The following ACAP2 variants were observed in gnomAD, a reference collection of about 807,000 sequenced individuals.
ACAP2 encodes the protein arf-GAP with coiled-coil, ANK repeat and PH domain-containing protein 2.
A neutral mutation model predicts 115.8 loss-of-function variants in ACAP2; 39 were observed. That is an observed-to-expected ratio of 0.34 (90% confidence interval 0.26 to 0.44). The LOEUF is 0.44. Ranked by LOEUF, ACAP2 falls within the 20% of genes least tolerant of loss-of-function variation. The pLI is 1.00. For synonymous variants in ACAP2, 289 were observed against 315.8 expected (o/e 0.92, Z 0.90); for missense variants, 662 against 927.6 (o/e 0.71, Z 3.72).
chr3:195,417,078 AT>A (rs11293878), intron 1 of ACAP2, among the ~76,000 whole-genome samples: 21,825 of 109,596 alleles, frequency 0.2, 1,661 homozygotes, highest in East Asian at 0.57. Flanking sequence ...TGCCTGGCTA[AT>A]TTTTTTTTTT....
chr3:195,368,012 G>A (rs960103150), intron 4 of ACAP2, among the ~76,000 whole-genome samples: 2 of 152,210 alleles, frequency 1.3e-5, no homozygotes, highest in East Asian at 1.9e-4. Flanking sequence ...GTTGGTAGCC[G>A]TATTTAAGAT....
intron 4 of ACAP2, among the ~76,000 whole-genome samples, chr3:195,354,168 G>T (rs1410302836): frequency 6.6e-6 from 1 of 152,182 alleles, no homozygotes; most frequent in African/African-American, 2.4e-5. Context: ...CAAAGGACAT[G>T]ATCTCATTCT....
chr3:195,414,070 CATA>C (rs1331908286), intron 1 of ACAP2, among the ~76,000 whole-genome samples: 1 of 152,104 alleles, frequency 6.6e-6, no homozygotes, highest in Non-Finnish European at 1.5e-5. Context: ...AGATACTCCA[CATA>C]ATATGTCGTT....
chr3:195,293,215 A>C (rs1392241597), intron 18 of ACAP2, among the ~76,000 whole-genome samples: 2 of 152,180 alleles, frequency 1.3e-5, no homozygotes, highest in Admixed American at 1.3e-4. Context: ...AAGAATCCAT[A>C]AAAACTTTTA....
chr3:195,337,012 T>C, intron 6 of ACAP2, 36 bp from the exon 7 acceptor site: 2 of 1,579,348 alleles, frequency 1.3e-6, no homozygotes, highest in South Asian at 2.3e-5. Context: ...CACCCATGCA[T>C]TATTTTAAAG....
At chr3:195,424,244 G>GGTGTGTGTGT (rs58166272) in intron 1 of ACAP2, among the ~76,000 whole-genome samples, 10 of 69,628 alleles carry the variant, frequency 1.4e-4, no homozygotes, top group South Asian at 5.3e-4. Context: ...GTGTGTGTGT[G>GGTGTGTGTGT]GTGTGTGTGT....
chr3:195,323,546 C>G (rs1729583813), intron 9 of ACAP2, among the ~76,000 whole-genome samples: 1 of 151,950 alleles, frequency 6.6e-6, no homozygotes, highest in Non-Finnish European at 1.5e-5. Flanking sequence ...ATATACCAAG[C>G]ACACAGATTT....
intron 20 of ACAP2, among the ~76,000 whole-genome samples, chr3:195,290,927 T>C (rs530580034): frequency 1.2e-4 from 18 of 151,818 alleles, no homozygotes; most frequent in Admixed American, 2.6e-4. Context: ...TAGGGGAGGA[T>C]CGCTTGAGCC....
At chr3:195,322,584 C>T (rs1468167172) in intron 9 of ACAP2, among the ~76,000 whole-genome samples, 1 of 152,040 alleles carries the variant, frequency 6.6e-6, no homozygotes, top group Non-Finnish European at 1.5e-5. Context: ...ACATTGCTTC[C>T]TACTTTTTCT....
intron 1 of ACAP2, among the ~76,000 whole-genome samples, chr3:195,430,155 G>A (rs936699755): frequency 1.2e-4 from 18 of 152,062 alleles, no homozygotes; most frequent in African/African-American, 3.1e-4. Context: ...ATGATCTGCC[G>A]GGATTTCTTA....
chr3:195,299,752 G>A (rs1228771017), intron 15 of ACAP2, among the ~76,000 whole-genome samples: 1 of 151,376 alleles, frequency 6.6e-6, no homozygotes, highest in Non-Finnish European at 1.5e-5. Flanking sequence ...GGAGGAGAAT[G>A]GTGTGAACCC....
chr3:195,438,969 G>A (rs1715795939), intron 1 of ACAP2, among the ~76,000 whole-genome samples: 1 of 151,978 alleles, frequency 6.6e-6, no homozygotes, highest in Non-Finnish European at 1.5e-5. Flanking sequence ...GCTGAGGCAG[G>A]AGAACTGCTT....
At chr3:195,423,271 T>C (rs1383781073) in intron 1 of ACAP2, among the ~76,000 whole-genome samples, 2 of 152,142 alleles carry the variant, frequency 1.3e-5, no homozygotes, top group Non-Finnish European at 2.9e-5. Context: ...AACCGGTAAC[T>C]CTAGATGAAG....
chr3:195,398,259 G>A (rs866332744), intron 1 of ACAP2, among the ~76,000 whole-genome samples: 2 of 152,206 alleles, frequency 1.3e-5, no homozygotes, highest in Non-Finnish European at 2.9e-5. Flanking sequence ...TCAGTATGAA[G>A]GAAGGTTACA....
chr3:195,410,993 A>G (rs1166941857), intron 1 of ACAP2: 1 of 389,876 alleles, frequency 2.6e-6, no homozygotes, highest in Non-Finnish European at 5.2e-6. Context: ...TTTATCTTGG[A>G]CTTCCCAGCT....
At chr3:195,434,866 A>C (rs1217430857) in intron 1 of ACAP2, among the ~76,000 whole-genome samples, 2 of 152,032 alleles carry the variant, frequency 1.3e-5, no homozygotes, top group Non-Finnish European at 2.9e-5. Flanking sequence ...TAATGTCATC[A>C]ATTATCTGTA....
chr3:195,392,749 T>C (rs1239105911), intron 1 of ACAP2, among the ~76,000 whole-genome samples: 2 of 152,198 alleles, frequency 1.3e-5, no homozygotes, highest in African/African-American at 4.8e-5. Flanking sequence ...AATACAATTA[T>C]AATAACAGTT....
At position 195,302,135 on chromosome 3, in the gene ACAP2, C is replaced by G; in HGVS notation, c.1156G>C (p.Asp386His). ...KKSSPSTGSL[D>H]SGNESKEKLL... Reference sequence around the variant, plus strand: ...TTCTCTTTGGACTCATTTCCAGAATCTAGGCTTCCTGTGGATGGAGATGAT... The same window carrying G: ...TTCTCTTTGGACTCATTTCCAGAATGTAGGCTTCCTGTGGATGGAGATGAT... Residue 386 changes from aspartate (D) to histidine (H), a missense_variant, in exon 14 of 23, where the codon GAT becomes CAT. This residue lies in a region of ACAP2 where 401 missense variants were observed against 604.4 expected (regional missense o/e 0.66). Transcript: ENST00000326793. 1.2e-6 allele frequency: 2 copies of G among 1,613,918 alleles called. No homozygotes were observed. Among genetic ancestry groups the G allele is most frequent in the Non-Finnish European group, 1.7e-6 (2 of 1,180,024 alleles).
At chr3:195,320,597 T>G in intron 10 of ACAP2, 104 bp downstream of exon 10, 1 of 707,418 alleles carries the variant, frequency 1.4e-6, no homozygotes, top group Non-Finnish European at 2.3e-6. Context: ...TCTATGGAAT[T>G]TACAGAAGTT....
Sources: allele counts gnomAD v4.1 joint callset (sites outside exome capture counted in the v4.1 genomes callset), GRCh38; gene constraint gnomAD v4.1.1; regional missense constraint gnomAD v4.1.1; transcripts MANE v1.5; gene names NCBI Gene and HGNC (gene_info 2026-07-23, HGNC 2026-07-21).